Variants in FSHR observed in about 807,000 individuals in gnomAD.
The protein encoded by FSHR is follicle stimulating hormone receptor.
FSHR carries 46 observed loss-of-function variants against 52.1 expected under a neutral mutation model. That is an observed-to-expected ratio of 0.88 (90% CI 0.70 to 1.13). The LOEUF is 1.13. Among genes scored for constraint, FSHR ranks in the 50% most tolerant of loss-of-function variants. The pLI, the probability that FSHR is intolerant of heterozygous loss-of-function variation, is 0.00. For missense variants in FSHR, 964 were observed against 834.6 expected, an observed-to-expected ratio of 1.16 and a Z score of -1.91; for synonymous variants, 399 against 309.6, an observed-to-expected ratio of 1.29 and a Z score of -3.03.
At chr2:49,075,024 T>C (rs1202624480) in intron 1 of FSHR, among the ~76,000 whole-genome samples, 1 of 152,078 alleles carries the variant, frequency 6.6e-6, no homozygotes, top group Admixed American at 6.6e-5. Flanking sequence ...CAGAGGATAC[T>C]AGAGGCTGGG....
At chr2:49,086,920 C>A (rs760709982) in intron 1 of FSHR, among the ~76,000 whole-genome samples, 3 of 152,114 alleles carry the variant, frequency 2.0e-5, no homozygotes, top group Non-Finnish European at 2.9e-5. Context: ...AGGTGTGAGG[C>A]AGCGTGCCTG....
In FSHR at chr2:48,982,948, T is replaced by C. The variant is rs1404443889; in HGVS notation, c.632A>G (p.Asn211Ser). Residue 211 changes from asparagine (N) to serine (S), a missense_variant, in exon 8 of 10, where the codon AAT becomes AGT. By Grantham distance (46) the Asn-to-Ser change is conservative (BLOSUM62 1). Coordinates refer to ENST00000406846, the MANE Select transcript of FSHR (RefSeq NM_000145.4). ...SDNNNLEELP[N>S]DVFHGASGPV... ...TCCAGAGGCTCCGTGGAAAACATCA[T>C]TAGGCAATTCTTCTAAATTATTATT... 2 of 1,613,950 alleles carry C rather than the reference T, an allele frequency of 1.2e-6. No homozygotes were observed. The highest frequency in any genetic ancestry group is 2.7e-5 in the African/African-American group (2 of 74,894).
At chr2:48,997,188 G>C (rs1308757945) in intron 4 of FSHR, 8 of 975,492 alleles carry the variant, frequency 8.2e-6, no homozygotes, top group Admixed American at 6.2e-5. Context: ...CCTTTTCAGA[G>C]TCTCAGTTTC....
At chr2:49,056,445 AATATATATATATATATAT>A (rs70946848) in intron 2 of FSHR, among the ~76,000 whole-genome samples, 10,596 of 128,538 alleles carry the variant, frequency 0.082, 668 homozygotes, top group East Asian at 0.18. Context: ...TTACAATTGG[AATATATATATATATATAT>A]ATATATATAT....
chr2:48,970,403 C>T (rs1010588399), intron 8 of FSHR, among the ~76,000 whole-genome samples: 4 of 152,196 alleles, frequency 2.6e-5, no homozygotes, highest in African/African-American at 9.7e-5. Flanking sequence ...TTTGTAATTA[C>T]ATTTCACAGG....
rs1204470224 is a variant in FSHR, at chr2:48,963,537, T to C, written c.1284A>G (p.Gln428=). The change falls in exon 10 of 10, where the codon CAA becomes CAG. Residue 428 remains glutamine, a synonymous_variant. Transcript: ENST00000406846. ...GCCAGTCAATGGCATAGTTGTGATA[T>C]TGGCTCTTGGTATGGATATCAACTG... ...IASVDIHTKS[Q]YHNYAIDWQT... 4 of 1,614,082 alleles carry C rather than the reference T, an allele frequency of 2.5e-6. No individual in the cohort carries two copies. The highest frequency in any genetic ancestry group is 1.7e-5 in the Admixed American group (1 of 60,010).
chr2:49,087,084 T>TTTTTG, intron 1 of FSHR, among the ~76,000 whole-genome samples: 2 of 146,114 alleles, frequency 1.4e-5, no homozygotes, highest in African/African-American at 5.0e-5. Flanking sequence ...TTTTTTTTTT[T>TTTTTG]TTTTTTTTTT....
intron 2 of FSHR, among the ~76,000 whole-genome samples, chr2:49,037,892 C>G (rs1480188895): frequency 6.6e-6 from 1 of 152,030 alleles, no homozygotes; most frequent in Non-Finnish European, 1.5e-5. Context: ...ATTTCTAGAA[C>G]TGAGGAAAGG....
intron 1 of FSHR, among the ~76,000 whole-genome samples, chr2:49,130,007 C>T (rs1201970329): frequency 1.3e-5 from 2 of 152,124 alleles, no homozygotes; most frequent in African/African-American, 4.8e-5. Context: ...CTTATTTGTG[C>T]TATGTTATAA....
At chr2:49,087,070 G>GATTTTTTTTT (rs60949511) in intron 1 of FSHR, among the ~76,000 whole-genome samples, 5 of 86,728 alleles carry the variant, frequency 5.8e-5, no homozygotes, top group African/African-American at 2.1e-4. Flanking sequence ...TGTGGGCAGG[G>GATTTTTTTTT]TTTTTTTTTT....
At chr2:49,089,726 TTTTGACAGTTCCTAA>T (rs201461362) in intron 1 of FSHR, among the ~76,000 whole-genome samples, 6,662 of 152,262 alleles carry the variant, frequency 0.044, 243 homozygotes, top group Non-Finnish European at 0.064. Context: ...GTGTCTTGAT[TTTTGACAGTTCCTAA>T]TTTGACAGTA....
At chr2:49,098,330 T>C (rs1275396332) in intron 1 of FSHR, among the ~76,000 whole-genome samples, 6 of 152,094 alleles carry the variant, frequency 3.9e-5, no homozygotes, top group Non-Finnish European at 5.9e-5. Context: ...AATTTAGTGA[T>C]AGAGATAAGT....
chr2:48,995,846 CA>C (rs1676002638), intron 4 of FSHR, among the ~76,000 whole-genome samples: 1 of 151,454 alleles, frequency 6.6e-6, no homozygotes, highest in African/African-American at 2.5e-5. Context: ...ACAAGGAAAA[CA>C]TTTTTTTTTA....
chr2:48,962,518 T>C lies in FSHR; in HGVS notation c.*215A>G, dbSNP rs1674269266. 2 of 578,678 alleles carry C rather than the reference T, an allele frequency of 3.5e-6. No individual in the cohort carries two copies. Among genetic ancestry groups the C allele is most frequent in the Non-Finnish European group, 6.1e-6 (2 of 326,164 alleles). The allele number at this position is 578,678 out of a possible 1,614,324, so 35.8% of individuals were successfully genotyped here. On this transcript the variant is annotated 3_prime_UTR_variant, in exon 10 of 10. Coordinates refer to ENST00000406846, the MANE Select transcript of FSHR (RefSeq NM_000145.4). ...TATAAGGATAAAATATGTAATACAG[T>C]ATTGCATTCTTTAATTATTATTGTT...
intron 8 of FSHR, among the ~76,000 whole-genome samples, chr2:48,976,987 G>A (rs1026543345): frequency 2.6e-5 from 4 of 152,010 alleles, no homozygotes; most frequent in African/African-American, 7.2e-5. Flanking sequence ...GTCTCCTTCA[G>A]TTATACCTAA....
At chr2:49,097,040 T>C (rs1276057382) in intron 1 of FSHR, among the ~76,000 whole-genome samples, 1 of 152,222 alleles carries the variant, frequency 6.6e-6, no homozygotes, top group Non-Finnish European at 1.5e-5. Flanking sequence ...TAAATCTCTT[T>C]TCTTTATAAA....
At chr2:48,976,454 C>T (rs1195703666) in intron 8 of FSHR, among the ~76,000 whole-genome samples, 8 of 151,502 alleles carry the variant, frequency 5.3e-5, no homozygotes, top group Admixed American at 4.6e-4. Flanking sequence ...TTTTCTTTTT[C>T]TTGTCTCTGC....
chr2:49,092,492 A>G (rs1670649366), intron 1 of FSHR, among the ~76,000 whole-genome samples: 1 of 152,230 alleles, frequency 6.6e-6, no homozygotes, highest in South Asian at 2.1e-4. Flanking sequence ...CTCTTTATCA[A>G]GCTAATAAAG....
Position 48,963,902 on chromosome 2 carries a change from C to T in FSHR, c.919G>A (p.Ala307Thr), listed in dbSNP as rs6165. Reference sequence around the variant, plus strand: ...GCCAGAGAGGATCTCTGACCCCTAGCCTGAGTCATATAATCAACTTCTTGC... The same window carrying T: ...GCCAGAGAGGATCTCTGACCCCTAGTCTGAGTCATATAATCAACTTCTTGC... The part of the protein sequence containing the change: ...LRQEVDYMTQ[A>T]RGQRSSLAED... Residue 307 changes from alanine (A) to threonine (T), a missense_variant, in exon 10 of 10, where the codon GCT (alanine) becomes ACT (threonine). By Grantham distance (58) the Ala-to-Thr change is moderately conservative. Transcript: ENST00000406846. The T allele has an allele frequency of 0.54, 873,545 of 1,613,318 alleles. 240,465 individuals carry two copies. The highest frequency in any genetic ancestry group is 0.65 in the Admixed American group (39,045 of 59,978).
Sources: allele counts gnomAD v4.1 joint callset (sites outside exome capture counted in the v4.1 genomes callset), GRCh38; gene constraint gnomAD v4.1.1; transcripts MANE v1.5; gene names NCBI Gene and HGNC (gene_info 2026-07-23, HGNC 2026-07-21).